Variants in SASH1 observed in about 807,000 individuals in gnomAD.
SASH1 encodes the protein SAM and SH3 domain containing 1.
Under a neutral mutation model 125.2 loss-of-function variants are expected in SASH1, and 44 were observed. That is an observed-to-expected ratio of 0.35 (90% CI 0.28 to 0.45). SASH1 has a LOEUF of 0.45. SASH1 is among the 20% of genes least tolerant of loss of function. The probability of loss-of-function intolerance (pLI) is 1.00; values close to 1 mark genes in which losing one functional copy is unlikely to be tolerated. For missense variants in SASH1, 1,426 were observed against 1,614.5 expected (o/e 0.88, Z 2.00); for synonymous variants, 639 against 649.1 (o/e 0.98, Z 0.24).
At chr6:148,547,202 G>A (rs1194458232) in intron 19 of SASH1, among the ~76,000 whole-genome samples, 1 of 152,176 alleles carries the variant, frequency 6.6e-6, no homozygotes, top group East Asian at 1.9e-4. Context: ...GCACTTGGGG[G>A]CCATTGTAAG....
At chr6:148,407,589 C>T (rs1784426757) in intron 2 of SASH1, among the ~76,000 whole-genome samples, 1 of 152,206 alleles carries the variant, frequency 6.6e-6, no homozygotes, top group South Asian at 2.1e-4. Context: ...TGGGAATATG[C>T]CTAGAGGTGG....
chr6:148,353,269 G>T (rs1388063839), intron 1 of SASH1, among the ~76,000 whole-genome samples: 1 of 151,636 alleles, frequency 6.6e-6, no homozygotes, highest in East Asian at 1.9e-4. Flanking sequence ...CATTGGAGGG[G>T]TCTCTTTTTG....
At chr6:148,247,518 T>G in the SASH1 span, among the ~76,000 whole-genome samples, 3 of 152,174 alleles carry the variant, frequency 2.0e-5, no homozygotes, top group Admixed American at 2.0e-4. Flanking sequence ...CAGCCGGAGT[T>G]GGCCCATCCT....
At chr6:148,394,391 T>G (rs917442278) in intron 2 of SASH1, among the ~76,000 whole-genome samples, 6 of 152,200 alleles carry the variant, frequency 3.9e-5, no homozygotes, top group African/African-American at 1.4e-4. Context: ...TACTGAAAGT[T>G]CCCTCTCACA....
intron 1 of SASH1, among the ~76,000 whole-genome samples, chr6:148,297,338 T>C (rs563286569): frequency 6.6e-6 from 1 of 152,180 alleles, no homozygotes; most frequent in Non-Finnish European, 1.5e-5. Context: ...ACATTGTGTA[T>C]AAAGACAGTG....
Position 148,487,918 on chromosome 6 carries a change from G to GT in SASH1, c.729+217dup, listed in dbSNP as rs1383262363. Among the ~76,000 whole-genome samples, 2,382 of 135,938 alleles carry GT rather than the reference G, an allele frequency of 0.018. 37 individuals are homozygous for GT. The highest frequency in any genetic ancestry group is 0.05 in the African/African-American group (1,853 of 37,268). The allele number at this position is 135,938 out of a possible 152,430, so 89.2% of individuals were successfully genotyped here. ...AATAGTGTTATCATGCTGGGGTTTT[G>GT]TTTTTTTTTTTTTTAATTGCAGTAA... is the stretch of plus-strand genomic sequence containing the variant. On this transcript the variant is annotated intron_variant, in intron 8 of 19. Coordinates refer to ENST00000367467, the MANE Select transcript of SASH1 (RefSeq NM_015278.5).
intron 2 of SASH1, among the ~76,000 whole-genome samples, chr6:148,404,616 G>A (rs1030627555): frequency 2.0e-4 from 12 of 60,428 alleles, no homozygotes; most frequent in Non-Finnish European, 2.7e-4. Context: ...CAGCACCACC[G>A]GCCTCCCACA....
chr6:148,375,838 A>G (rs1233143123), intron 1 of SASH1, among the ~76,000 whole-genome samples: 1 of 152,126 alleles, frequency 6.6e-6, no homozygotes, highest in Non-Finnish European at 1.5e-5. Flanking sequence ...AACGCAACAG[A>G]GTTCCCCTAT....
chr6:148,482,111 G>T (rs2115178507), intron 7 of SASH1, among the ~76,000 whole-genome samples: 1 of 152,280 alleles, frequency 6.6e-6, no homozygotes, highest in African/African-American at 2.4e-5. Context: ...TGAGTAATTT[G>T]TTTGTTGGAG....
upstream of SASH1, among the ~76,000 whole-genome samples, chr6:148,340,411 A>C (rs1379169061): frequency 2.0e-5 from 3 of 151,598 alleles, no homozygotes; most frequent in Non-Finnish European, 2.9e-5. Flanking sequence ...TGAACCTGGG[A>C]GGCAGAGGTT....
At chr6:148,424,693 A>G (rs1775734599) in intron 2 of SASH1, among the ~76,000 whole-genome samples, 1 of 152,140 alleles carries the variant, frequency 6.6e-6, no homozygotes, top group African/African-American at 2.4e-5. Context: ...TAAAATCCTT[A>G]GTCTTGATCA....
the SASH1 span, among the ~76,000 whole-genome samples, chr6:148,231,792 T>G: frequency 6.6e-6 from 1 of 151,986 alleles, no homozygotes; most frequent in Non-Finnish European, 1.5e-5. Context: ...CACCCAACCT[T>G]GAAGAGAGTC....
intron 1 of SASH1, among the ~76,000 whole-genome samples, chr6:148,354,197 A>G (rs1781840977): frequency 6.6e-6 from 1 of 152,156 alleles, no homozygotes; most frequent in Non-Finnish European, 1.5e-5. Flanking sequence ...AAAAGAAAGA[A>G]AAAAAGAGAG....
chr6:148,462,068 C>A (rs944616365), intron 4 of SASH1, among the ~76,000 whole-genome samples: 18 of 152,084 alleles, frequency 1.2e-4, no homozygotes, highest in African/African-American at 3.6e-4. Flanking sequence ...CTGCTACTGG[C>A]TTTCGGGACT....
At chr6:148,421,177 G>GAAAGAAAGAAAA (rs1562396579) in intron 2 of SASH1, among the ~76,000 whole-genome samples, 29 of 144,120 alleles carry the variant, frequency 2.0e-4, no homozygotes, top group African/African-American at 6.6e-4. Flanking sequence ...AAGAAAGAAA[G>GAAAGAAAGAAAA]AAAGAAAGAA....
intron 4 of SASH1, among the ~76,000 whole-genome samples, chr6:148,449,937 GGA>G (rs1383295094): frequency 6.6e-6 from 1 of 152,088 alleles, no homozygotes; most frequent in Non-Finnish European, 1.5e-5. Context: ...CCCTCAAGAG[GGA>G]GAACTCACTC....
intron 9 of SASH1, among the ~76,000 whole-genome samples, chr6:148,518,096 C>T (rs1352154535): frequency 6.6e-6 from 1 of 152,082 alleles, no homozygotes; most frequent in Non-Finnish European, 1.5e-5. Context: ...TTATTTCCAA[C>T]AGCATAAGAA....
At chr6:148,456,462 C>T (rs1260946188) in intron 4 of SASH1, among the ~76,000 whole-genome samples, 3 of 152,218 alleles carry the variant, frequency 2.0e-5, no homozygotes, top group Non-Finnish European at 4.4e-5. Flanking sequence ...CATAGAAAAG[C>T]CTCTCTTGGA....
At chr6:148,414,943 C>A (rs1784765868) in intron 2 of SASH1, among the ~76,000 whole-genome samples, 1 of 152,198 alleles carries the variant, frequency 6.6e-6, no homozygotes, top group Non-Finnish European at 1.5e-5. Flanking sequence ...TGCATCCAGC[C>A]TCTTGGAGCT....
Sources: allele counts gnomAD v4.1 joint callset (sites outside exome capture counted in the v4.1 genomes callset), GRCh38; gene constraint gnomAD v4.1.1; transcripts MANE v1.5; gene names NCBI Gene and HGNC (gene_info 2026-07-23, HGNC 2026-07-21).